The following FCHSD2 variants were observed in gnomAD, a reference collection of about 807,000 sequenced individuals.
FCHSD2 encodes the protein FCH and double SH3 domains 2.
In FCHSD2, 38 loss-of-function variants were observed where a neutral mutation model predicts 108.1. That is an observed-to-expected ratio of 0.35 (90% CI 0.27 to 0.46). The LOEUF is 0.46. Among genes scored for constraint, FCHSD2 ranks in the 20% least tolerant of loss-of-function variants. The pLI, the probability that FCHSD2 is intolerant of heterozygous loss-of-function variation, is 1.00. For synonymous variants in FCHSD2, 279 were observed against 314.7 expected, an observed-to-expected ratio of 0.89 and a Z score of 1.20; for missense variants, 751 against 897.8, an observed-to-expected ratio of 0.84 and a Z score of 2.09.
chr11:73,141,849 G>GC lies in FCHSD2; in HGVS notation c.21+7dup, dbSNP rs1861256644. ...CCGAACCCCAAAGCCCCCCAGCTGC[G>GC]CCCTTACCTTCCTCGGCGGCGGCTG... On this transcript the variant is annotated splice_region_variant and intron_variant, in intron 1 of 19. Transcript: ENST00000409418. The GC allele has an allele frequency of 3.2e-6, 5 of 1,544,492 alleles. No homozygotes were observed. Among genetic ancestry groups the GC allele is most frequent in the Non-Finnish European group, 4.4e-6 (5 of 1,145,864 alleles).
intron 13 of FCHSD2, among the ~76,000 whole-genome samples, chr11:72,851,243 A>G (rs1861280808): frequency 6.6e-6 from 1 of 152,082 alleles, no homozygotes; most frequent in Non-Finnish European, 1.5e-5. Flanking sequence ...AACTAAACAT[A>G]CCATTGATCT....
intron 2 of FCHSD2, among the ~76,000 whole-genome samples, chr11:73,129,972 G>A (rs935433820): frequency 1.4e-5 from 2 of 147,536 alleles, no homozygotes; most frequent in Non-Finnish European, 3.0e-5. Flanking sequence ...TCTGCCTCCC[G>A]GGTTCACGTC....
intron 10 of FCHSD2, among the ~76,000 whole-genome samples, chr11:72,892,150 G>C (rs1419839103): frequency 6.6e-6 from 1 of 152,170 alleles, no homozygotes; most frequent in South Asian, 2.1e-4. Context: ...TTTAGGAATA[G>C]GTAAAGGGGT....
At chr11:73,118,737 G>C (rs1007487964) in intron 2 of FCHSD2, among the ~76,000 whole-genome samples, 4 of 152,118 alleles carry the variant, frequency 2.6e-5, no homozygotes, top group African/African-American at 9.7e-5. Context: ...AACACTAACT[G>C]AGCCCTTACC....
chr11:73,076,263 T>A (rs1324014478), intron 3 of FCHSD2, among the ~76,000 whole-genome samples: 1 of 152,176 alleles, frequency 6.6e-6, no homozygotes. Context: ...ATAACCAAAT[T>A]TGAAACATGG....
chr11:73,130,167 C>A (rs1860962309), intron 2 of FCHSD2, among the ~76,000 whole-genome samples: 2 of 152,142 alleles, frequency 1.3e-5, no homozygotes, highest in Non-Finnish European at 2.9e-5. Flanking sequence ...AGCCACCGCG[C>A]CTGGCCCATA....
At chr11:72,990,863 C>T (rs543057831) in intron 5 of FCHSD2, among the ~76,000 whole-genome samples, 2 of 152,218 alleles carry the variant, frequency 1.3e-5, no homozygotes, top group Admixed American at 6.5e-5. Context: ...AAGACCAGAA[C>T]AGAACTGAAC....
At chr11:72,978,348 TA>T (rs1296402820) in intron 8 of FCHSD2, among the ~76,000 whole-genome samples, 31 of 151,292 alleles carry the variant, frequency 2.0e-4, no homozygotes, top group Non-Finnish European at 4.0e-4. Flanking sequence ...AAATAAAAAA[TA>T]AAAATGAGCA....
At chr11:72,914,587 C>T (rs1855833026) in intron 9 of FCHSD2, among the ~76,000 whole-genome samples, 1 of 151,996 alleles carries the variant, frequency 6.6e-6, no homozygotes, top group Non-Finnish European at 1.5e-5. Context: ...AGACCGCACA[C>T]CTAAAACCAC....
intron 3 of FCHSD2, among the ~76,000 whole-genome samples, chr11:73,043,610 T>C (rs1052554246): frequency 3.9e-5 from 6 of 152,326 alleles, no homozygotes; most frequent in African/African-American, 1.4e-4. Flanking sequence ...ATGTCAGAGA[T>C]AGCTTGCTTT....
chr11:72,856,368 T>C (rs1276507169), intron 13 of FCHSD2, among the ~76,000 whole-genome samples: 1 of 152,226 alleles, frequency 6.6e-6, no homozygotes, highest in Non-Finnish European at 1.5e-5. Context: ...TGGCTTTCTC[T>C]TGAGTAATTA....
chr11:73,054,760 T>G (rs1381156794), intron 3 of FCHSD2, among the ~76,000 whole-genome samples: 3 of 152,066 alleles, frequency 2.0e-5, no homozygotes, highest in Non-Finnish European at 4.4e-5. Context: ...ACTGCAGCCT[T>G]GACCTCCTGG....
Position 72,948,687 on chromosome 11 carries a change from A to C in FCHSD2, c.706-26737T>G, listed in dbSNP as rs533079572. 2.1e-5 allele frequency among the ~76,000 whole-genome samples: 3 copies of C among 146,218 alleles called. No homozygotes were observed. In the South Asian group the frequency reaches 6.4e-4, roughly 31 times the overall value. ...TTTTCATTTCTTTTTTTTTTTTGAG[A>C]GGCAGTCTCGCTCTGTCGCCCAGGC... On this transcript the variant is annotated intron_variant, in intron 8 of 19. Transcript: ENST00000409418.
intron 8 of FCHSD2, among the ~76,000 whole-genome samples, chr11:72,977,421 T>C (rs1267898531): frequency 6.6e-6 from 1 of 152,180 alleles, no homozygotes; most frequent in Non-Finnish European, 1.5e-5. Flanking sequence ...TAAAAAATAT[T>C]TGTAAATTAT....
intron 12 of FCHSD2, among the ~76,000 whole-genome samples, chr11:72,876,045 C>T (rs1201163114): frequency 6.6e-6 from 1 of 152,188 alleles, no homozygotes; most frequent in African/African-American, 2.4e-5. Context: ...GTTGGCTTGG[C>T]ACAGTGGCTG....
chr11:73,083,573 A>G, intron 3 of FCHSD2, 122 bp downstream of exon 3: 1 of 633,018 alleles, frequency 1.6e-6, no homozygotes, highest in Non-Finnish European at 2.8e-6. Context: ...AAAAAAAACA[A>G]GAAAGAAATA....
intron 2 of FCHSD2, among the ~76,000 whole-genome samples, chr11:73,103,668 C>T (rs1415755838): frequency 6.6e-6 from 1 of 151,962 alleles, no homozygotes; most frequent in Non-Finnish European, 1.5e-5. Flanking sequence ...ACATAAAATA[C>T]AGATATTATT....
intron 4 of FCHSD2, among the ~76,000 whole-genome samples, chr11:73,005,610 T>G (rs924800109): frequency 1.3e-5 from 2 of 152,218 alleles, no homozygotes; most frequent in African/African-American, 4.8e-5. Flanking sequence ...ACATTCACTC[T>G]GTTGAAAATT....
chr11:73,131,061 GCTA>G (rs1440441248), intron 2 of FCHSD2, among the ~76,000 whole-genome samples: 1 of 152,114 alleles, frequency 6.6e-6, no homozygotes, highest in Non-Finnish European at 1.5e-5. Flanking sequence ...TACCTGATCT[GCTA>G]CTTCCAGTTT....
Sources: gnomAD v4.1 joint callset for allele counts (sites outside exome capture counted in the v4.1 genomes callset) on GRCh38, gnomAD v4.1.1 for gene constraint, MANE v1.5 for transcripts, NCBI Gene and HGNC (gene_info 2026-07-23, HGNC 2026-07-21) for gene names.